Variants in EFR3B observed in about 807,000 individuals in gnomAD.
The protein encoded by EFR3B is protein EFR3 homolog B.
A neutral mutation model predicts 104.7 loss-of-function variants in EFR3B; 64 were observed. The observed-to-expected ratio is 0.61, with a 90% CI of 0.50 to 0.75. The LOEUF (loss-of-function observed/expected upper bound fraction) is 0.75, where lower values mean the gene tolerates loss of function less well. EFR3B is among the 30% of genes least tolerant of loss of function. EFR3B has a pLI of 0.00. For synonymous variants in EFR3B, 385 were observed against 417.9 expected (o/e 0.92, Z 0.96); for missense variants, 750 against 1,078.5 (o/e 0.70, Z 4.27).
intron 4 of EFR3B, among the ~76,000 whole-genome samples, chr2:25,105,886 G>A (rs976621209): frequency 1.3e-5 from 2 of 152,202 alleles, no homozygotes; most frequent in Non-Finnish European, 2.9e-5. Flanking sequence ...CCATCGCAGT[G>A]AATCATCGCA....
chr2:25,108,110 A>ACGGTGTG (rs1275622005), intron 4 of EFR3B, among the ~76,000 whole-genome samples: 2 of 152,218 alleles, frequency 1.3e-5, no homozygotes, highest in Non-Finnish European at 2.9e-5. Flanking sequence ...CTGGGATTAC[A>ACGGTGTG]GGTGTGAGCC....
At chr2:25,094,608 G>T (rs974424609) in intron 3 of EFR3B, among the ~76,000 whole-genome samples, 9 of 152,114 alleles carry the variant, frequency 5.9e-5, no homozygotes, top group Non-Finnish European at 2.9e-5. Flanking sequence ...TTAACCAATA[G>T]ATGGCAAAAC....
Position 25,130,638 on chromosome 2 carries a change from G to A in EFR3B, c.849+8G>A. 1.9e-6 allele frequency: 3 copies of A among 1,550,692 alleles called. No individual in the cohort carries two copies. The highest frequency in any genetic ancestry group is 2.6e-6 in the Non-Finnish European group (3 of 1,146,108). ...ATCATGTACTCAATTCAGGTATGGTGGCTCCCCTGGGCCAGCCGGATCCCA... is the reference window on the plus strand; with the variant it reads ...ATCATGTACTCAATTCAGGTATGGTAGCTCCCCTGGGCCAGCCGGATCCCA... On this transcript the variant is annotated splice_region_variant and intron_variant, in intron 8 of 22. Coordinates refer to ENST00000403714, the MANE Select transcript of EFR3B (RefSeq NM_014971.2). This position sits in a 1 kb window ranked among gnomAD's most constrained non-coding sequence, Gnocchi z 4.6.
intron 4 of EFR3B, among the ~76,000 whole-genome samples, chr2:25,106,701 C>G (rs2149193204): frequency 6.6e-6 from 1 of 152,284 alleles, no homozygotes; most frequent in South Asian, 2.1e-4. Flanking sequence ...CCTCGGCCTC[C>G]CAAAGTGCTG....
At chr2:25,133,343 T>C (rs1369928143) in intron 11 of EFR3B, 40 bp from the exon 12 acceptor site, 1 of 1,547,924 alleles carries the variant, frequency 6.5e-7, no homozygotes, top group Non-Finnish European at 8.7e-7. Flanking sequence ...ACCTCTGCCC[T>C]ATTACCATCC....
At chr2:25,132,735 C>A (rs532349508) in intron 10 of EFR3B, among the ~76,000 whole-genome samples, 168 bp from the exon 11 acceptor site, 9 of 152,282 alleles carry the variant, frequency 5.9e-5, no homozygotes, top group Admixed American at 2.6e-4. Flanking sequence ...CTGATGCCTC[C>A]CTTTCCTGGA....
intron 1 of EFR3B, among the ~76,000 whole-genome samples, chr2:25,056,794 TCAGAGAGCA>T (rs1167577956): frequency 6.6e-6 from 1 of 152,142 alleles, no homozygotes; most frequent in East Asian, 1.9e-4. Context: ...GACAGCACTC[TCAGAGAGCA>T]GGCTGAGTGT....
chr2:25,080,851 T>G, intron 1 of EFR3B: 1 of 848,746 alleles, frequency 1.2e-6, no homozygotes, highest in South Asian at 1.3e-5. Flanking sequence ...CTTATCATGG[T>G]TGCATCATAT....
chr2:25,143,875 T>C lies in EFR3B; in HGVS notation c.2050+13T>C, dbSNP rs575165672. On this transcript the variant is annotated intron_variant, in intron 18 of 22. Transcript: ENST00000403714. Reference sequence around the variant, plus strand: ...CCTCAGCTGACAGGTATGAGTTCTGTGCAGGGATGCCCGGGCCTGCCTCTG... The same window carrying C: ...CCTCAGCTGACAGGTATGAGTTCTGCGCAGGGATGCCCGGGCCTGCCTCTG... 1.3e-6 allele frequency: 2 copies of C among 1,550,366 alleles called. No homozygotes were observed. The highest frequency in any genetic ancestry group is 1.2e-5 in the South Asian group (1 of 83,914).
chr2:25,094,282 CAAA>C (rs11455802), intron 3 of EFR3B, among the ~76,000 whole-genome samples: 2 of 91,658 alleles, frequency 2.2e-5, no homozygotes, highest in South Asian at 4.5e-4. Context: ...GAGACTGTCT[CAAA>C]AAAAAAAAAA....
At position 25,155,870 on chromosome 2, in the gene EFR3B, T is replaced by TC. The variant is rs541119882; in HGVS notation, c.*1531dup. ...AATCCGTTTTTAATTTTTTTTTTTT[T>TC]CTAGAGATGGGGGTCTCACTATGTT... On this transcript the variant is annotated 3_prime_UTR_variant, in exon 23 of 23. Transcript: ENST00000403714. The TC allele has an allele frequency of 6.8e-4, 103 of 152,182 alleles. 3 individuals are homozygous for TC. Among genetic ancestry groups the TC allele is most frequent in the African/African-American group, 2.3e-3 (94 of 41,480 alleles). 9.4% of individuals were successfully genotyped at this position (152,182 alleles called of 1,614,324 possible).
At chr2:25,108,415 G>T (rs1380192115) in intron 4 of EFR3B, among the ~76,000 whole-genome samples, 1 of 152,112 alleles carries the variant, frequency 6.6e-6, no homozygotes, top group Non-Finnish European at 1.5e-5. Flanking sequence ...ATGATGCCAA[G>T]ATCCTCTACA....
intron 3 of EFR3B, 128 bp downstream of exon 3, chr2:25,093,258 GTCAAGGTGGGAGGATCA>G: frequency 7.9e-7 from 1 of 1,268,534 alleles, no homozygotes; most frequent in Non-Finnish European, 1.1e-6. Context: ...GCTTTGGGAG[GTCAAGGTGGGAGGATCA>G]CTGAGGCCAA....
chr2:25,142,217 C>T (rs1434945864), intron 17 of EFR3B, among the ~76,000 whole-genome samples: 1 of 151,898 alleles, frequency 6.6e-6, no homozygotes, highest in East Asian at 1.9e-4. Context: ...CTAAGGTGGG[C>T]GGATCACTTG....
chr2:25,123,943 A>C (rs2149201725), intron 5 of EFR3B, among the ~76,000 whole-genome samples: 1 of 152,340 alleles, frequency 6.6e-6, no homozygotes, highest in Admixed American at 6.5e-5. Flanking sequence ...AGCCACCAGC[A>C]GTGCCATTAC....
At chr2:25,090,531 C>G (rs901068972) in intron 1 of EFR3B, among the ~76,000 whole-genome samples, 2 of 152,128 alleles carry the variant, frequency 1.3e-5, no homozygotes, top group African/African-American at 4.8e-5. Flanking sequence ...ACAAACATAC[C>G]ACAGGGTTGT....
At chr2:25,150,182 C>T (rs1441888835) in intron 20 of EFR3B, among the ~76,000 whole-genome samples, 1 of 151,786 alleles carries the variant, frequency 6.6e-6, no homozygotes, top group East Asian at 1.9e-4. Flanking sequence ...TGCCTGTAAT[C>T]ACAGCTACTT....
intron 1 of EFR3B, among the ~76,000 whole-genome samples, chr2:25,088,140 A>C (rs919335274): frequency 6.6e-6 from 1 of 151,064 alleles, no homozygotes; most frequent in Non-Finnish European, 1.5e-5. Context: ...CATGGCAGCC[A>C]CTCCACTAGT....
chr2:25,142,085 G>A lies in EFR3B; in HGVS notation c.1922+652G>A, dbSNP rs551833367. Among the ~76,000 whole-genome samples, 17 of 152,268 alleles carry A rather than the reference G, an allele frequency of 1.1e-4. No individual in the cohort carries two copies. The East Asian group carries it at 3.3e-3, about 29-fold the overall frequency. ...AAGACTGAGCAGGAGGATCTCTTGAGCCCATGAGTTCGAGACAACCATGGG... is the reference window on the plus strand; with the variant it reads ...AAGACTGAGCAGGAGGATCTCTTGAACCCATGAGTTCGAGACAACCATGGG... On this transcript the variant is annotated intron_variant, in intron 17 of 22. Coordinates refer to ENST00000403714, the MANE Select transcript of EFR3B (RefSeq NM_014971.2).
Sources: gnomAD v4.1 joint callset for allele counts (sites outside exome capture counted in the v4.1 genomes callset) on GRCh38, gnomAD v4.1.1 for gene constraint, Gnocchi (gnomAD v3.1) non-coding constraint, MANE v1.5 for transcripts, NCBI Gene and HGNC (gene_info 2026-07-23, HGNC 2026-07-21) for gene names.